UPF2: variants seen among roughly 807,000 people sequenced by gnomAD.
The protein encoded by UPF2 is UPF2 regulator of nonsense mediated mRNA decay.
Under a neutral mutation model 141.4 loss-of-function variants are expected in UPF2, and 17 were observed. The ratio of observed to expected loss-of-function variants is 0.12; its 90% CI spans 0.08 to 0.18. UPF2 has a LOEUF of 0.18. UPF2 is among the 10% of genes least tolerant of loss of function. The pLI is 1.00. For synonymous variants in UPF2, 540 were observed against 498.0 expected (o/e 1.08, Z -1.12); for missense variants, 1,152 against 1,515.9 (o/e 0.76, Z 3.99).
At chr10:12,030,937 G>A (rs1302356432) in intron 2 of UPF2, among the ~76,000 whole-genome samples, 1 of 151,364 alleles carries the variant, frequency 6.6e-6, no homozygotes, top group Non-Finnish European at 1.5e-5. Flanking sequence ...CACTTTGGGA[G>A]GCCGAGGCGG....
intron 6 of UPF2, among the ~76,000 whole-genome samples, chr10:12,001,169 G>C (rs1014625785): frequency 1.3e-5 from 2 of 152,070 alleles, no homozygotes; most frequent in Non-Finnish European, 2.9e-5. Flanking sequence ...AATCCCAGCA[G>C]TTTGGGAGCC....
chr10:12,000,705 T>C (rs1588561920), intron 6 of UPF2, among the ~76,000 whole-genome samples: 4 of 151,552 alleles, frequency 2.6e-5, no homozygotes, highest in Non-Finnish European at 4.4e-5. Context: ...TACTTGGAGG[T>C]TGATGCAGGA....
At chr10:11,990,695 A>G (rs1833764732) in intron 8 of UPF2, among the ~76,000 whole-genome samples, 1 of 149,460 alleles carries the variant, frequency 6.7e-6, no homozygotes, top group African/African-American at 2.5e-5. Flanking sequence ...AAAAAAAAAA[A>G]GGAAACCTGT....
intron 1 of UPF2, chr10:12,035,643 T>C: frequency 1.9e-6 from 1 of 515,112 alleles, no homozygotes; most frequent in Non-Finnish European, 3.0e-6. Context: ...TAGGCCTATG[T>C]CTAAGTACTT....
chr10:11,934,584 TTTTA>T lies in UPF2; in HGVS notation c.3546+1957_3546+1960del, dbSNP rs1020558933. Among the ~76,000 whole-genome samples the T allele has an allele frequency of 1.7e-3, 253 of 152,324 alleles. 1 individual carries two copies. The highest frequency in any genetic ancestry group is 5.4e-3 in the African/African-American group (225 of 41,586). On this transcript the variant is annotated intron_variant, in intron 19 of 21. Coordinates refer to ENST00000357604, the MANE Select transcript of UPF2 (RefSeq NM_015542.4). ...TTGCCAGCTCCACACTCCATGATTA[TTTTA>T]TTTATTTATTTCTTTTTTTGAGACG...
intron 4 of UPF2, among the ~76,000 whole-genome samples, chr10:12,008,384 A>G (rs1383222673): frequency 6.6e-6 from 1 of 152,050 alleles, no homozygotes; most frequent in Non-Finnish European, 1.5e-5. Context: ...TAATCCTAGC[A>G]CCTGGGGAGG....
At chr10:12,021,216 T>C (rs998492972) in intron 3 of UPF2, among the ~76,000 whole-genome samples, 3 of 152,146 alleles carry the variant, frequency 2.0e-5, no homozygotes, top group African/African-American at 7.2e-5. Context: ...TTATATAATA[T>C]AGGTACTGTT....
intron 2 of UPF2, among the ~76,000 whole-genome samples, chr10:12,030,720 A>G (rs1035201306): frequency 1.3e-5 from 2 of 150,966 alleles, no homozygotes; most frequent in African/African-American, 4.9e-5. Context: ...CATCTCTACT[A>G]AAAATAACAA....
In UPF2 at chr10:11,992,483, T is replaced by C. The variant is rs934833655; in HGVS notation, c.1844+5189A>G. 7.9e-5 allele frequency among the ~76,000 whole-genome samples: 12 copies of C among 152,096 alleles called. No individual in the cohort carries two copies. Among genetic ancestry groups the C allele is most frequent in the Admixed American group, 5.2e-4 (8 of 15,270 alleles). ...GCTCATGGTAGAAAACAACAGAGAC[T>C]GTCTAAATAAATAATCGCTAAGCAA... On this transcript the variant is annotated intron_variant, in intron 8 of 21. Coordinates refer to ENST00000357604, the MANE Select transcript of UPF2 (RefSeq NM_015542.4). This position sits in a 1 kb window ranked among gnomAD's most constrained non-coding sequence, Gnocchi z 4.1.
At chr10:11,996,260 G>T (rs1833862674) in intron 8 of UPF2, among the ~76,000 whole-genome samples, 1 of 151,804 alleles carries the variant, frequency 6.6e-6, no homozygotes. Context: ...TTTATATACT[G>T]CAAGTATATA....
At chr10:11,925,971 A>C (rs1451041813) in intron 21 of UPF2, among the ~76,000 whole-genome samples, 1 of 152,242 alleles carries the variant, frequency 6.6e-6, no homozygotes, top group Non-Finnish European at 1.5e-5. Flanking sequence ...TTTAGAAAGA[A>C]CACTGGGTCT....
chr10:12,022,282 T>C (rs1183011634), intron 3 of UPF2, among the ~76,000 whole-genome samples: 4 of 147,480 alleles, frequency 2.7e-5, no homozygotes, highest in African/African-American at 1.0e-4. Context: ...CGTGGCGGCA[T>C]GTGCCTGTGG....
Position 12,014,038 on chromosome 10 carries a change from T to C in UPF2, c.1292A>G (p.Lys431Arg), listed in dbSNP as rs1834176718. 2 of 1,563,110 alleles carry C rather than the reference T, an allele frequency of 1.3e-6. No homozygotes were observed. The highest frequency in any genetic ancestry group is 1.2e-5 in the South Asian group (1 of 83,106). ...ATATCTCTTACCTTCTGGTGTTGGT[T>C]TGTCTTGAGGAAGATCTGGCATATT... ...DENMPDLPQD[K>R]PTPEEHGPGI... The change falls in exon 4 of 22, where the codon AAA becomes AGA. Residue 431 changes from lysine to arginine, a missense_variant. By Grantham distance (26) the Lys-to-Arg change is conservative. Around this residue, in one of 4 missense-constraint regions of UPF2, gnomAD observed 739 missense variants for 1,032.2 expected, o/e 0.72. Coordinates refer to ENST00000357604, the MANE Select transcript of UPF2 (RefSeq NM_015542.4). This position sits in a 1 kb window ranked among gnomAD's most constrained non-coding sequence, Gnocchi z 5.0.
chr10:11,932,560 TAAAA>T (rs888259184), intron 19 of UPF2, among the ~76,000 whole-genome samples: 1 of 151,842 alleles, frequency 6.6e-6, no homozygotes, highest in African/African-American at 2.4e-5. Context: ...ATTATGTACT[TAAAA>T]AAAACATAAA....
intron 21 of UPF2, among the ~76,000 whole-genome samples, chr10:11,928,489 C>A (rs911714307): frequency 6.7e-6 from 1 of 150,052 alleles, no homozygotes; most frequent in Non-Finnish European, 1.5e-5. Flanking sequence ...GCGGGCGGAT[C>A]ACGAGGTCAG....
At chr10:11,954,082 A>T (rs2131186530) in intron 14 of UPF2, among the ~76,000 whole-genome samples, 1 of 152,326 alleles carries the variant, frequency 6.6e-6, no homozygotes, top group East Asian at 1.9e-4. Context: ...ATTTTATGGG[A>T]AATAGTAATT....
In UPF2 at chr10:11,921,828, G is replaced by GGT. The variant is rs1832649136; in HGVS notation, c.3810-523_3810-522dup. Among the ~76,000 whole-genome samples, 1 of 150,450 alleles carries GGT rather than the reference G, an allele frequency of 6.6e-6. No individual in the cohort carries two copies. The highest frequency in any genetic ancestry group is 1.9e-4 in the East Asian group (1 of 5,166). On this transcript the variant is annotated intron_variant, in intron 21 of 21. Transcript: ENST00000357604. The surrounding 1 kb of genome is among the most constrained non-coding windows in gnomAD (Gnocchi z 5.9). ...GTTCTCTTCTACAACTTATTCTTAA[G>GGT]GTGCTAAGAATTCACAGTTTGTGTT...
chr10:11,986,821 G>A (rs11593807), intron 8 of UPF2, among the ~76,000 whole-genome samples: 8,553 of 152,218 alleles, frequency 0.056, 295 homozygotes, highest in Non-Finnish European at 0.08. Context: ...AGATTTCACG[G>A]AAACATTCTC....
chr10:12,030,573 C>T (rs1213926252), intron 2 of UPF2, among the ~76,000 whole-genome samples: 1 of 146,998 alleles, frequency 6.8e-6, no homozygotes, highest in Admixed American at 6.8e-5. Flanking sequence ...ATAATTAGCA[C>T]TATAAAAGAA....
Sources: allele counts gnomAD v4.1 joint callset (sites outside exome capture counted in the v4.1 genomes callset), GRCh38; gene constraint gnomAD v4.1.1; regional missense constraint gnomAD v4.1.1; non-coding constraint Gnocchi (gnomAD v3.1); transcripts MANE v1.5; gene names NCBI Gene and HGNC (gene_info 2026-07-23, HGNC 2026-07-21).